FRAS1: variants seen among roughly 807,000 people sequenced by gnomAD.
FRAS1 encodes the protein extracellular matrix organizing protein FRAS1.
In FRAS1, 290 loss-of-function variants were observed where a neutral mutation model predicts 435.2. The ratio of observed to expected loss-of-function variants is 0.67; its 90% CI spans 0.61 to 0.73. The LOEUF (loss-of-function observed/expected upper bound fraction) is 0.73, where lower values mean the gene tolerates loss of function less well. Ranked by LOEUF, FRAS1 falls within the 30% of genes least tolerant of loss-of-function variation. The probability of loss-of-function intolerance (pLI) is 0.00; values close to 1 mark genes in which losing one functional copy is unlikely to be tolerated. For missense variants in FRAS1, 4,860 were observed against 5,001.5 expected, an observed-to-expected ratio of 0.97 and a Z score of 0.85; for synonymous variants, 1,800 against 1,851.0, an observed-to-expected ratio of 0.97 and a Z score of 0.71.
chr4:78,319,601 A>G (rs1158039987), intron 18 of FRAS1: 5 of 309,720 alleles, frequency 1.6e-5, no homozygotes, highest in South Asian at 3.0e-5. Context: ...ATTAGTTTGT[A>G]TTTTTCATTG....
At chr4:78,215,622 C>T (rs1723734939) in intron 2 of FRAS1, among the ~76,000 whole-genome samples, 1 of 152,228 alleles carries the variant, frequency 6.6e-6, no homozygotes. Flanking sequence ...TTTCCTTCTT[C>T]CCCAATCCCT....
intron 2 of FRAS1, among the ~76,000 whole-genome samples, chr4:78,113,772 G>C (rs1742918307): frequency 1.3e-5 from 2 of 152,152 alleles, no homozygotes; most frequent in Admixed American, 1.3e-4. Context: ...CTCCCGTTCT[G>C]TAGGTTGCCT....
At chr4:78,534,991 C>T (rs979467647) in intron 71 of FRAS1, among the ~76,000 whole-genome samples, 1 of 152,228 alleles carries the variant, frequency 6.6e-6, no homozygotes, top group Non-Finnish European at 1.5e-5. Flanking sequence ...CTCCATCATG[C>T]TTTCTCTGCT....
At chr4:78,131,736 C>T (rs896981201) in intron 2 of FRAS1, among the ~76,000 whole-genome samples, 14 of 152,140 alleles carry the variant, frequency 9.2e-5, no homozygotes, top group African/African-American at 3.1e-4. Context: ...AGCATCGTGC[C>T]AGGTAGCCCA....
chr4:78,259,774 T>C, intron 6 of FRAS1, among the ~76,000 whole-genome samples: 1 of 149,086 alleles, frequency 6.7e-6, no homozygotes. Flanking sequence ...AGACATGAAG[T>C]CCTTGCCCAT....
intron 18 of FRAS1, among the ~76,000 whole-genome samples, chr4:78,326,577 C>T (rs1371657797): frequency 6.6e-6 from 1 of 152,102 alleles, no homozygotes; most frequent in African/African-American, 2.4e-5. Flanking sequence ...ATATGAGATA[C>T]TTTTGAAACA....
chr4:78,475,331 C>CT (rs1719823190), intron 53 of FRAS1, 107 bp from the exon 54 acceptor site: 1 of 1,204,458 alleles, frequency 8.3e-7, no homozygotes, highest in Non-Finnish European at 1.2e-6. Context: ...TTCCTCTTCT[C>CT]TGACTACCTA....
At chr4:78,424,982 C>T (rs1733941589) in intron 35 of FRAS1, among the ~76,000 whole-genome samples, 1 of 151,888 alleles carries the variant, frequency 6.6e-6, no homozygotes, top group Non-Finnish European at 1.5e-5. Context: ...TCCTAATATC[C>T]ATTAAAGAGT....
chr4:78,105,426 C>T (rs901215785), intron 2 of FRAS1, among the ~76,000 whole-genome samples: 7 of 152,080 alleles, frequency 4.6e-5, no homozygotes, highest in South Asian at 4.1e-4. Context: ...ATATAACTAA[C>T]GGCACAATGA....
At chr4:78,073,317 G>C (rs948906062) in intron 2 of FRAS1, among the ~76,000 whole-genome samples, 9 of 152,088 alleles carry the variant, frequency 5.9e-5, no homozygotes, top group African/African-American at 1.9e-4. Context: ...ATATTTGTGT[G>C]GTAGGAACAG....
In FRAS1 at chr4:78,245,989, C is replaced by T. The variant is rs1054417030; in HGVS notation, c.309+664C>T. Among the ~76,000 whole-genome samples the T allele has an allele frequency of 2.6e-5, 4 of 152,170 alleles. No homozygotes were observed. In the South Asian group the frequency reaches 8.3e-4, roughly 32 times the overall value. ...AAATTTCCCTTGGGGGCAAAATGCT[C>T]ACCTTCCCCCTTTTGAGAACTACAG... On this transcript the variant is annotated intron_variant, in intron 4 of 73. Transcript: ENST00000512123.
chr4:78,292,489 T>TTTG (rs1249850609), intron 14 of FRAS1, among the ~76,000 whole-genome samples: 1 of 152,174 alleles, frequency 6.6e-6, no homozygotes, highest in East Asian at 1.9e-4. Context: ...AAGTTAATTA[T>TTTG]TTGTTGGAAC....
At chr4:78,112,711 T>C (rs1446736907) in intron 2 of FRAS1, among the ~76,000 whole-genome samples, 1 of 152,112 alleles carries the variant, frequency 6.6e-6, no homozygotes, top group African/African-American at 2.4e-5. Flanking sequence ...GCTTCATAGA[T>C]ATATTTTTCT....
intron 6 of FRAS1, among the ~76,000 whole-genome samples, chr4:78,256,776 A>G (rs573151315): frequency 2.6e-5 from 4 of 152,286 alleles, no homozygotes; most frequent in African/African-American, 9.6e-5. Flanking sequence ...TTGGAAATAG[A>G]TTTATTTTAA....
chr4:78,209,207 C>T lies in FRAS1; in HGVS notation c.109-28303C>T, dbSNP rs147150493. 1.4e-4 allele frequency among the ~76,000 whole-genome samples: 21 copies of T among 152,004 alleles called. No homozygotes were observed. The East Asian group carries it at 3.7e-3, about 27-fold the overall frequency. On this transcript the variant is annotated intron_variant, in intron 2 of 73. Transcript: ENST00000512123. ...CAGAAAAGCCATACCTAGTTTAGGTCGTACTGAAAAGAGGAAAGTGAATTG... is the reference window on the plus strand; with the variant it reads ...CAGAAAAGCCATACCTAGTTTAGGTTGTACTGAAAAGAGGAAAGTGAATTG...
chr4:78,090,794 A>C (rs1488593232), intron 2 of FRAS1, among the ~76,000 whole-genome samples: 1 of 152,202 alleles, frequency 6.6e-6, no homozygotes, highest in Non-Finnish European at 1.5e-5. Context: ...CTGTCATTGC[A>C]CAGAATGGCC....
chr4:78,312,951 T>C (rs937654516), intron 15 of FRAS1, among the ~76,000 whole-genome samples: 2 of 152,120 alleles, frequency 1.3e-5, no homozygotes, highest in African/African-American at 4.8e-5. Context: ...ATAGATTAGT[T>C]TGGGAAGAAA....
chr4:78,481,146 G>A (rs1386805813), intron 56 of FRAS1, among the ~76,000 whole-genome samples: 2 of 151,584 alleles, frequency 1.3e-5, no homozygotes, highest in African/African-American at 4.9e-5. Flanking sequence ...GAAAATTGTA[G>A]GGTTTTCATG....
At chr4:78,337,107 C>G (rs1730200371) in intron 19 of FRAS1, among the ~76,000 whole-genome samples, 1 of 152,154 alleles carries the variant, frequency 6.6e-6, no homozygotes, top group Non-Finnish European at 1.5e-5. Flanking sequence ...AGAAAGAGGA[C>G]TTTTTCTGTT....
Sources: allele counts gnomAD v4.1 joint callset (sites outside exome capture counted in the v4.1 genomes callset), GRCh38; gene constraint gnomAD v4.1.1; transcripts MANE v1.5; gene names NCBI Gene and HGNC (gene_info 2026-07-23, HGNC 2026-07-21).